Variants in SPOCK1 observed in about 807,000 individuals in gnomAD.
The protein encoded by SPOCK1 is testican-1.
A neutral mutation model predicts 55.3 loss-of-function variants in SPOCK1; 23 were observed. The observed-to-expected ratio is 0.42, with a 90% CI of 0.30 to 0.59. SPOCK1 has a LOEUF of 0.59. Ranked by LOEUF, SPOCK1 falls within the 20% of genes least tolerant of loss-of-function variation. SPOCK1 has a pLI of 0.22. For missense variants in SPOCK1, 499 were observed against 552.5 expected (o/e 0.90, Z 0.97); for synonymous variants, 226 against 221.0 (o/e 1.02, Z -0.20).
chr5:137,375,099 C>A (rs1751284638), intron 2 of SPOCK1, among the ~76,000 whole-genome samples: 1 of 152,066 alleles, frequency 6.6e-6, no homozygotes, highest in Admixed American at 6.5e-5. Flanking sequence ...TTAAAAAAAT[C>A]ATTGGAATAA....
At chr5:137,029,239 G>A (rs531490936) in intron 6 of SPOCK1, among the ~76,000 whole-genome samples, 5 of 152,218 alleles carry the variant, frequency 3.3e-5, no homozygotes, top group African/African-American at 1.2e-4. Context: ...CCTCATCCCT[G>A]AGAGACTGAG....
At position 137,160,643 on chromosome 5, in the gene SPOCK1, T is replaced by TA. The variant is rs1184831973; in HGVS notation, c.233-19950dup. 3.8e-3 allele frequency among the ~76,000 whole-genome samples: 375 copies of TA among 99,530 alleles called. 7 individuals carry two copies. The highest frequency in any genetic ancestry group is 0.014 in the African/African-American group (361 of 25,150). 65.3% of individuals were successfully genotyped at this position (99,530 alleles called of 152,430 possible). On this transcript the variant is annotated intron_variant, in intron 3 of 10. Coordinates refer to ENST00000394945, the MANE Select transcript of SPOCK1 (RefSeq NM_004598.4). ...TATATTTTATATAATATATAATATA[T>TA]ATTTTATATAATATACAATATATAA...
Position 137,256,465 on chromosome 5 carries a change from G to A in SPOCK1, c.232+10545C>T, listed in dbSNP as rs560497684. Among the ~76,000 whole-genome samples, 5 of 152,292 alleles carry A rather than the reference G, an allele frequency of 3.3e-5. No individual in the cohort carries two copies. In the South Asian group the frequency reaches 1.0e-3, roughly 32 times the overall value. On this transcript the variant is annotated intron_variant, in intron 3 of 10. Coordinates refer to ENST00000394945, the MANE Select transcript of SPOCK1 (RefSeq NM_004598.4). ...GGCCTTCTTGTTGTCTCAGGACATG[G>A]GGGCAGGCATCACATGGTGACAGAG... is the stretch of plus-strand genomic sequence containing the variant.
At chr5:137,103,147 C>T (rs182283720) in intron 5 of SPOCK1, among the ~76,000 whole-genome samples, 10 of 152,230 alleles carry the variant, frequency 6.6e-5, no homozygotes, top group Admixed American at 3.3e-4. Context: ...CCTACCACCA[C>T]GCCCGGCTGA....
intron 3 of SPOCK1, among the ~76,000 whole-genome samples, chr5:137,160,533 A>ATATTATATATT (rs1754510078): frequency 1.8e-5 from 1 of 56,920 alleles, no homozygotes; most frequent in African/African-American, 6.9e-5. Flanking sequence ...AATATATAAA[A>ATATTATATATT]ATATATAATA....
intron 3 of SPOCK1, among the ~76,000 whole-genome samples, chr5:137,234,963 C>A (rs1357380294): frequency 6.6e-6 from 1 of 152,188 alleles, no homozygotes; most frequent in Non-Finnish European, 1.5e-5. Flanking sequence ...ATATTGCTGA[C>A]CTGGAAGTGC....
intron 2 of SPOCK1, among the ~76,000 whole-genome samples, chr5:137,323,637 C>T (rs1758020372): frequency 6.6e-6 from 1 of 151,430 alleles, no homozygotes; most frequent in East Asian, 1.9e-4. Flanking sequence ...AGCAAGAAAA[C>T]AACCCAATTT....
At chr5:137,182,155 T>C (rs1239358350) in intron 3 of SPOCK1, among the ~76,000 whole-genome samples, 1 of 152,172 alleles carries the variant, frequency 6.6e-6, no homozygotes, top group Admixed American at 6.5e-5. Flanking sequence ...ATGGATACCA[T>C]CAATTCTGGA....
intron 5 of SPOCK1, among the ~76,000 whole-genome samples, chr5:137,099,093 C>A (rs778720454): frequency 8.5e-5 from 13 of 152,180 alleles, no homozygotes; most frequent in Non-Finnish European, 1.8e-4. Flanking sequence ...GTGCCCACAC[C>A]TTTTTTATCT....
chr5:136,988,156 A>C (rs1427421737), intron 8 of SPOCK1, among the ~76,000 whole-genome samples: 1 of 152,198 alleles, frequency 6.6e-6, no homozygotes, highest in Non-Finnish European at 1.5e-5. Context: ...GTATAGATGA[A>C]AATACGGACA....
intron 2 of SPOCK1, among the ~76,000 whole-genome samples, chr5:137,438,863 T>A (rs1371200015): frequency 6.6e-6 from 1 of 152,190 alleles, no homozygotes; most frequent in Non-Finnish European, 1.5e-5. Context: ...GTTTTCCAAG[T>A]CAAGTCAGCT....
intron 2 of SPOCK1, among the ~76,000 whole-genome samples, chr5:137,406,344 C>T (rs117282819): frequency 1.3e-5 from 2 of 152,304 alleles, no homozygotes; most frequent in East Asian, 3.9e-4. Flanking sequence ...AGCAAGGACT[C>T]CCACAGGAGC....
intron 2 of SPOCK1, among the ~76,000 whole-genome samples, chr5:137,337,915 A>T (rs1380794409): frequency 6.6e-6 from 1 of 152,208 alleles, no homozygotes; most frequent in Admixed American, 6.5e-5. Flanking sequence ...ATGAGTTCTC[A>T]TCGTGGCCTC....
At chr5:137,096,284 C>A (rs1260050287) in intron 5 of SPOCK1, among the ~76,000 whole-genome samples, 1 of 150,378 alleles carries the variant, frequency 6.6e-6, no homozygotes, top group South Asian at 2.1e-4. Flanking sequence ...AAACAGTGAC[C>A]CTTCCCAAGA....
intron 2 of SPOCK1, among the ~76,000 whole-genome samples, chr5:137,373,353 G>A (rs185557469): frequency 1.3e-5 from 2 of 152,290 alleles, no homozygotes; most frequent in African/African-American, 4.8e-5. Flanking sequence ...AGTTTAAAAA[G>A]AAGATGAAAA....
intron 5 of SPOCK1, among the ~76,000 whole-genome samples, chr5:137,106,375 ACT>A (rs1753367745): frequency 6.6e-6 from 1 of 152,126 alleles, no homozygotes; most frequent in South Asian, 2.1e-4. Flanking sequence ...AGCAAGCTTT[ACT>A]CTTTCTATGC....
chr5:137,416,587 T>C lies in SPOCK1; in HGVS notation c.186+81786A>G, dbSNP rs796740488. 7.2e-5 allele frequency among the ~76,000 whole-genome samples: 11 copies of C among 152,220 alleles called. No individual in the cohort carries two copies. In the East Asian group the frequency reaches 1.7e-3, roughly 24 times the overall value. On this transcript the variant is annotated intron_variant, in intron 2 of 10. Coordinates refer to ENST00000394945, the MANE Select transcript of SPOCK1 (RefSeq NM_004598.4). Reference sequence around the variant, plus strand: ...ACCTATTGCTCTCCCCAAAGAGCCATAAAACTGGGGGAAATAAAAGATACA... The same window carrying C: ...ACCTATTGCTCTCCCCAAAGAGCCACAAAACTGGGGGAAATAAAAGATACA...
At chr5:137,098,342 C>T (rs1006123726) in intron 5 of SPOCK1, among the ~76,000 whole-genome samples, 2 of 152,208 alleles carry the variant, frequency 1.3e-5, no homozygotes, top group African/African-American at 4.8e-5. Flanking sequence ...GCACTCCCCT[C>T]ACCTGGCTGA....
At chr5:137,090,467 C>T (rs375181105) in intron 5 of SPOCK1, among the ~76,000 whole-genome samples, 2 of 152,196 alleles carry the variant, frequency 1.3e-5, no homozygotes, top group African/African-American at 4.8e-5. Flanking sequence ...GAACAACCAA[C>T]CTTCCACTGG....
Sources: gnomAD v4.1 joint callset for allele counts (sites outside exome capture counted in the v4.1 genomes callset) on GRCh38, gnomAD v4.1.1 for gene constraint, MANE v1.5 for transcripts, NCBI Gene and HGNC (gene_info 2026-07-23, HGNC 2026-07-21) for gene names.